The following CDH13 variants were observed in gnomAD, a reference collection of about 807,000 sequenced individuals.
CDH13 encodes cadherin 13.
A neutral mutation model predicts 63.8 loss-of-function variants in CDH13; 24 were observed. That is an observed-to-expected ratio of 0.38 (90% confidence interval 0.27 to 0.53). The LOEUF is 0.53. Ranked by LOEUF, CDH13 falls within the 20% of genes least tolerant of loss-of-function variation. The pLI is 0.85. For missense variants in CDH13, 1,049 were observed against 903.1 expected, an observed-to-expected ratio of 1.16 and a Z score of -2.07; for synonymous variants, 503 against 355.3, an observed-to-expected ratio of 1.42 and a Z score of -4.67.
At chr16:83,351,556 A>G (rs2090952126) in intron 6 of CDH13, among the ~76,000 whole-genome samples, 1 of 152,166 alleles carries the variant, frequency 6.6e-6, no homozygotes, top group African/African-American at 2.4e-5. Context: ...TTTGTAAATC[A>G]ATAAACATCA....
intron 13 of CDH13, among the ~76,000 whole-genome samples, chr16:83,793,641 T>C (rs1916416284): frequency 6.6e-6 from 1 of 152,132 alleles, no homozygotes; most frequent in East Asian, 1.9e-4. Context: ...CCCTGGAACC[T>C]GTAAACATGT....
intron 6 of CDH13, among the ~76,000 whole-genome samples, chr16:83,453,753 TGTATCTCC>T (rs2072945797): frequency 3.0e-3 from 1 of 336 alleles, no homozygotes; most frequent in Non-Finnish European, 0.011. Flanking sequence ...TTATCCACCA[TGTATCTCC>T]ACCATGTATC....
At position 83,528,453 on chromosome 16, in the gene CDH13, T is replaced by A. The variant is rs370961067; in HGVS notation, c.960+41798T>A. Among the ~76,000 whole-genome samples the A allele has an allele frequency of 2.6e-5, 4 of 152,276 alleles. No homozygotes were observed. The South Asian group carries it at 8.3e-4, about 32-fold the overall frequency. On this transcript the variant is annotated intron_variant, in intron 7 of 13. Coordinates refer to ENST00000567109, the MANE Select transcript of CDH13 (RefSeq NM_001257.5). ...GCTGGTTACCCTTGTGTGGGGTGTA[T>A]AGTGAAACATCAACTCCCATGAGGC...
At chr16:83,378,073 C>G (rs752096708) in intron 6 of CDH13, among the ~76,000 whole-genome samples, 29 of 152,136 alleles carry the variant, frequency 1.9e-4, no homozygotes, top group Non-Finnish European at 2.9e-4. Flanking sequence ...TGCATGGTGG[C>G]TTTGAAAAAG....
chr16:83,651,418 A>G (rs1040316682), intron 8 of CDH13, among the ~76,000 whole-genome samples: 3 of 152,058 alleles, frequency 2.0e-5, no homozygotes, highest in South Asian at 2.1e-4. Flanking sequence ...TTAATCCATC[A>G]TAATCCTGTA....
At chr16:83,627,455 A>C (rs1257363046) in intron 8 of CDH13, among the ~76,000 whole-genome samples, 1 of 152,192 alleles carries the variant, frequency 6.6e-6, no homozygotes, top group Non-Finnish European at 1.5e-5. Context: ...AAAAGACCTT[A>C]ATTGCAAAAC....
intron 7 of CDH13, among the ~76,000 whole-genome samples, chr16:83,594,656 C>A (rs910325614): frequency 1.3e-5 from 2 of 152,042 alleles, no homozygotes; most frequent in African/African-American, 2.4e-5. Flanking sequence ...CAAGACCAGG[C>A]GAGAGAGAGA....
At chr16:83,478,752 G>A (rs1469329921) in intron 6 of CDH13, among the ~76,000 whole-genome samples, 4 of 150,994 alleles carry the variant, frequency 2.6e-5, no homozygotes, top group African/African-American at 9.7e-5. Context: ...GAGTACAGGG[G>A]CAGGGATTTC....
chr16:83,099,964 G>C (rs980224204), intron 3 of CDH13, among the ~76,000 whole-genome samples: 2 of 152,108 alleles, frequency 1.3e-5, no homozygotes, highest in African/African-American at 4.8e-5. Flanking sequence ...AGCCAAGTTA[G>C]CATGCAGCCT....
At chr16:83,488,597 A>T (rs1390098712) in intron 7 of CDH13, among the ~76,000 whole-genome samples, 1 of 150,716 alleles carries the variant, frequency 6.6e-6, no homozygotes, top group East Asian at 2.0e-4. Flanking sequence ...TCTCTTTCCA[A>T]CCCTCCCTAT....
chr16:83,081,041 C>G (rs369914286), intron 3 of CDH13, among the ~76,000 whole-genome samples: 70 of 151,196 alleles, frequency 4.6e-4, no homozygotes, highest in African/African-American at 1.6e-3. Context: ...GCCACCAGGC[C>G]CGGCTAATTT....
chr16:83,703,143 G>A (rs959296298), intron 10 of CDH13, among the ~76,000 whole-genome samples: 2 of 152,218 alleles, frequency 1.3e-5, no homozygotes, highest in African/African-American at 4.8e-5. Flanking sequence ...GTATTGAGTA[G>A]TGCTTTAAAG....
At position 82,782,817 on chromosome 16, in the gene CDH13, G is replaced by C. The variant is rs201070956; in HGVS notation, c.46-75545G>C. 3.9e-5 allele frequency among the ~76,000 whole-genome samples: 6 copies of C among 152,286 alleles called. No individual in the cohort carries two copies. The South Asian group carries it at 6.2e-4, about 16-fold the overall frequency. ...GCAGGAATCCTGACAGGAGCAGGCT[G>C]CCTTTCAGCTCCAAGTTCCTGGCAC... is the stretch of plus-strand genomic sequence containing the variant. On this transcript the variant is annotated intron_variant, in intron 1 of 13. Coordinates refer to ENST00000567109, the MANE Select transcript of CDH13 (RefSeq NM_001257.5).
intron 5 of CDH13, among the ~76,000 whole-genome samples, chr16:83,332,254 A>G (rs2090496616): frequency 1.3e-5 from 2 of 152,128 alleles, no homozygotes; most frequent in South Asian, 4.1e-4. Context: ...AATTCACGCA[A>G]TAAATTAGAG....
intron 2 of CDH13, among the ~76,000 whole-genome samples, chr16:82,979,091 G>A (rs560936704): frequency 9.8e-5 from 15 of 152,338 alleles, no homozygotes; most frequent in African/African-American, 3.6e-4. Context: ...CTGCCCTATT[G>A]GATTCTAGAC....
At chr16:83,580,520 G>A (rs1426729068) in intron 7 of CDH13, among the ~76,000 whole-genome samples, 1 of 118,238 alleles carries the variant, frequency 8.5e-6, no homozygotes, top group Admixed American at 1.1e-4. Context: ...GTCAGGTCAG[G>A]GTCTCCATCT....
chr16:83,307,922 C>G (rs1191640411), intron 5 of CDH13, among the ~76,000 whole-genome samples: 1 of 152,128 alleles, frequency 6.6e-6, no homozygotes, highest in Non-Finnish European at 1.5e-5. Context: ...TTATACATTT[C>G]CATGCTCATT....
intron 7 of CDH13, among the ~76,000 whole-genome samples, chr16:83,557,627 C>T (rs558829581): frequency 6.6e-6 from 1 of 152,230 alleles, no homozygotes; most frequent in South Asian, 2.1e-4. Flanking sequence ...TCTGCTTGCC[C>T]TTTGTTATAG....
At chr16:83,563,795 C>T (rs1010681459) in intron 7 of CDH13, among the ~76,000 whole-genome samples, 2 of 152,292 alleles carry the variant, frequency 1.3e-5, no homozygotes, top group South Asian at 2.1e-4. Context: ...TGCCTTTCCT[C>T]TGCTCCCTGG....
Sources: allele counts gnomAD v4.1 joint callset (sites outside exome capture counted in the v4.1 genomes callset), GRCh38; gene constraint gnomAD v4.1.1; transcripts MANE v1.5; gene names NCBI Gene and HGNC (gene_info 2026-07-23, HGNC 2026-07-21).